Variants in MYO5B observed in about 807,000 individuals in gnomAD.
The protein encoded by MYO5B is myosin VB.
In MYO5B, 143 loss-of-function variants were observed where a neutral mutation model predicts 229.3. The ratio of observed to expected loss-of-function variants is 0.62; its 90% CI spans 0.54 to 0.72. The LOEUF is 0.72. Ranked by LOEUF, MYO5B falls within the 30% of genes least tolerant of loss-of-function variation. MYO5B has a pLI of 0.00. For missense variants in MYO5B, 2,321 were observed against 2,331.0 expected (o/e 1.00, Z 0.09); for synonymous variants, 918 against 885.2 (o/e 1.04, Z -0.66).
At position 49,984,410 on chromosome 18, in the gene MYO5B, G is replaced by A. The variant is rs1485044676; in HGVS notation, c.946+308C>T. Among the ~76,000 whole-genome samples, 6 of 152,214 alleles carry A rather than the reference G, an allele frequency of 3.9e-5. No homozygotes were observed. The East Asian group carries it at 9.6e-4, about 24-fold the overall frequency. ...CCCAGACCACAGCACGAGAAGACGT[G>A]GCTACACTTGCTTTGCCTCCGTTGG... On this transcript the variant is annotated intron_variant, in intron 8 of 39. Transcript: ENST00000285039.
chr18:50,138,420 G>GA (rs972642670), intron 1 of MYO5B, among the ~76,000 whole-genome samples: 87 of 152,254 alleles, frequency 5.7e-4, no homozygotes, highest in African/African-American at 2.0e-3. Context: ...AATTTGGGGG[G>GA]GGTGGCAGGA....
chr18:50,073,325 A>G (rs537192276), intron 1 of MYO5B, among the ~76,000 whole-genome samples: 28 of 152,312 alleles, frequency 1.8e-4, no homozygotes, highest in African/African-American at 6.7e-4. Flanking sequence ...AACTGGCAAA[A>G]TAAGAAAAGC....
intron 14 of MYO5B, among the ~76,000 whole-genome samples, chr18:49,940,919 A>G (rs1380163436): frequency 6.6e-6 from 1 of 152,214 alleles, no homozygotes; most frequent in East Asian, 1.9e-4. Context: ...ATTTTAAACT[A>G]AAAACATACA....
At chr18:49,922,266 A>T (rs2025083451) in intron 17 of MYO5B, among the ~76,000 whole-genome samples, 1 of 152,186 alleles carries the variant, frequency 6.6e-6, no homozygotes, top group Admixed American at 6.5e-5. Flanking sequence ...GTAGGCATAT[A>T]CCAATCTCCT....
chr18:49,872,569 A>C (rs2024468805), intron 26 of MYO5B, among the ~76,000 whole-genome samples: 1 of 152,166 alleles, frequency 6.6e-6, no homozygotes, highest in Non-Finnish European at 1.5e-5. Flanking sequence ...AGAAACTGTG[A>C]ATGTGACCTT....
intron 17 of MYO5B, among the ~76,000 whole-genome samples, chr18:49,928,046 A>AG (rs2025149276): frequency 6.6e-6 from 1 of 152,248 alleles, no homozygotes; most frequent in African/African-American, 2.4e-5. Flanking sequence ...AGCACAGAAA[A>AG]AAAACCATCC....
At chr18:50,193,753 G>A (rs969046640) in intron 1 of MYO5B, among the ~76,000 whole-genome samples, 3 of 152,268 alleles carry the variant, frequency 2.0e-5, no homozygotes, top group Non-Finnish European at 4.4e-5. Context: ...TCCAAAACTT[G>A]TTTTCTTAAA....
chr18:49,965,293 C>A (rs970712405), intron 10 of MYO5B, among the ~76,000 whole-genome samples: 4 of 152,218 alleles, frequency 2.6e-5, no homozygotes, highest in Admixed American at 2.6e-4. Flanking sequence ...ACATTATACA[C>A]ACATTGGCAG....
chr18:49,979,559 G>A (rs138791122), intron 9 of MYO5B, among the ~76,000 whole-genome samples: 85 of 152,270 alleles, frequency 5.6e-4, no homozygotes, highest in African/African-American at 1.8e-3. Context: ...GTTAATTTAC[G>A]TCCACTCAAT....
chr18:49,955,830 G>C (rs1030673196), intron 12 of MYO5B, among the ~76,000 whole-genome samples: 63 of 152,192 alleles, frequency 4.1e-4, no homozygotes, highest in Non-Finnish European at 7.8e-4. Context: ...CGGGTGTGAA[G>C]GAAGGAGTGG....
intron 1 of MYO5B, among the ~76,000 whole-genome samples, chr18:50,172,664 T>A (rs1420513407): frequency 1.3e-5 from 2 of 152,244 alleles, no homozygotes; most frequent in Non-Finnish European, 2.9e-5. Flanking sequence ...ACCTTCTATG[T>A]GCTACATGTA....
intron 4 of MYO5B, among the ~76,000 whole-genome samples, chr18:50,002,804 A>G (rs1362284050): frequency 6.6e-6 from 1 of 152,164 alleles, no homozygotes; most frequent in Non-Finnish European, 1.5e-5. Flanking sequence ...CTTCTTTTCC[A>G]TATGAGGACA....
intron 9 of MYO5B, among the ~76,000 whole-genome samples, chr18:49,979,500 G>C (rs2025791633): frequency 6.6e-6 from 1 of 152,198 alleles, no homozygotes; most frequent in Non-Finnish European, 1.5e-5. Context: ...CTGAAGACAG[G>C]GCCAGTTTGA....
At chr18:49,830,035 C>T (rs2023895020) in intron 39 of MYO5B, among the ~76,000 whole-genome samples, 1 of 152,052 alleles carries the variant, frequency 6.6e-6, no homozygotes, top group South Asian at 2.1e-4. Flanking sequence ...CACTTCTATT[C>T]AGTATAGTTC....
intron 9 of MYO5B, among the ~76,000 whole-genome samples, chr18:49,978,060 C>T (rs1461425768): frequency 2.0e-5 from 3 of 152,180 alleles, no homozygotes; most frequent in Admixed American, 2.0e-4. Flanking sequence ...CCAGCCTAGA[C>T]CACAAACCTG....
chr18:50,172,090 G>T (rs2032926337), intron 1 of MYO5B, among the ~76,000 whole-genome samples: 1 of 152,036 alleles, frequency 6.6e-6, no homozygotes, highest in South Asian at 2.1e-4. Context: ...AGACAAGCCT[G>T]CACAACAAGG....
At position 50,055,089 on chromosome 18, in the gene MYO5B, G is replaced by T. The variant is rs75609093; in HGVS notation, c.138+179C>A. On this transcript the variant is annotated intron_variant, in intron 2 of 39. Coordinates refer to ENST00000285039, the MANE Select transcript of MYO5B (RefSeq NM_001080467.3). ...TTTTTTGTGTGACATCCATAGAGCA[G>T]CTTCCTGGCTTAGCACTTTCACATA... Among the ~76,000 whole-genome samples the T allele has an allele frequency of 9.3e-3, 1,417 of 152,272 alleles. 18 individuals are homozygous for T. The highest frequency in any genetic ancestry group is 0.032 in the African/African-American group (1,312 of 41,552).
At chr18:50,042,240 T>C (rs1040618284) in intron 2 of MYO5B, among the ~76,000 whole-genome samples, 5 of 152,112 alleles carry the variant, frequency 3.3e-5, no homozygotes, top group South Asian at 2.1e-4. Context: ...ACTGAAGCTA[T>C]AGATAGTGAA....
intron 30 of MYO5B, 25 bp from the exon 31 acceptor site, chr18:49,853,672 G>A (rs1334059152): frequency 6.2e-7 from 1 of 1,605,440 alleles, no homozygotes; most frequent in East Asian, 2.2e-5. Flanking sequence ...GGACAGGTGA[G>A]CACGTGGCCC....
Sources: allele counts gnomAD v4.1 joint callset (sites outside exome capture counted in the v4.1 genomes callset), GRCh38; gene constraint gnomAD v4.1.1; transcripts MANE v1.5; gene names NCBI Gene and HGNC (gene_info 2026-07-23, HGNC 2026-07-21).